The following CDH2 variants were observed in gnomAD, a reference collection of about 807,000 sequenced individuals.
CDH2 encodes cadherin-2.
A neutral mutation model predicts 92.0 loss-of-function variants in CDH2; 17 were observed. The observed-to-expected ratio is 0.18, with a 90% confidence interval of 0.13 to 0.28. The LOEUF is 0.28. CDH2 is among the 10% of genes least tolerant of loss of function. The pLI is 1.00. For missense variants in CDH2, 862 were observed against 1,133.1 expected (o/e 0.76, Z 3.44); for synonymous variants, 419 against 415.9 (o/e 1.01, Z -0.09).
chr18:28,145,838 A>C (rs2016026734), intron 2 of CDH2, among the ~76,000 whole-genome samples: 1 of 152,160 alleles, frequency 6.6e-6, no homozygotes, highest in African/African-American at 2.4e-5. Context: ...TTTAAAAAAA[A>C]AAGGCTAAAA....
intron 2 of CDH2, among the ~76,000 whole-genome samples, chr18:28,125,256 A>C (rs889280971): frequency 2.0e-5 from 3 of 152,186 alleles, no homozygotes; most frequent in African/African-American, 7.2e-5. Context: ...CTGCCTGTAC[A>C]TTATTACACA....
intron 7 of CDH2, among the ~76,000 whole-genome samples, chr18:27,998,980 G>T (rs529291326): frequency 4.1e-4 from 63 of 152,280 alleles, no homozygotes; most frequent in African/African-American, 1.5e-3. Flanking sequence ...AGGAATATCT[G>T]CCCCACTGGA....
intron 2 of CDH2, among the ~76,000 whole-genome samples, chr18:28,055,880 A>G (rs2014283057): frequency 6.6e-6 from 1 of 152,216 alleles, no homozygotes; most frequent in Non-Finnish European, 1.5e-5. Flanking sequence ...GTGTATACAG[A>G]AAGTGTTACT....
chr18:28,156,465 GC>G (rs2016214610), intron 1 of CDH2, among the ~76,000 whole-genome samples: 2 of 145,728 alleles, frequency 1.4e-5, no homozygotes, highest in Admixed American at 6.8e-5. Context: ...CCCAGGTACA[GC>G]ATGTCACCTT....
chr18:27,984,720 C>A lies in CDH2; in HGVS notation c.2209+280G>T, dbSNP rs1374701966. On this transcript the variant is annotated intron_variant, in intron 13 of 15. Transcript: ENST00000269141. ...TTGTTTAATGTTTTTCTATGAAAAG[C>A]GTTTACTACAGCTCCCTAAGCAATA... 5.3e-5 allele frequency among the ~76,000 whole-genome samples: 8 copies of A among 152,218 alleles called. No individual in the cohort carries two copies. In the East Asian group the frequency reaches 1.4e-3, roughly 26 times the overall value.
chr18:28,007,153 C>T (rs1599028504), intron 5 of CDH2, among the ~76,000 whole-genome samples: 1 of 68,030 alleles, frequency 1.5e-5, no homozygotes, highest in Admixed American at 2.0e-4. Context: ...GAGTGAGACT[C>T]CATAAAAAAA....
chr18:27,950,362 A>G (rs1909386611), downstream of CDH2, among the ~76,000 whole-genome samples: 1 of 152,172 alleles, frequency 6.6e-6, no homozygotes, highest in South Asian at 2.1e-4. Flanking sequence ...AATGAATCAT[A>G]GTAAGATACA....
At chr18:28,000,423 T>C (rs1005952541) in intron 7 of CDH2, among the ~76,000 whole-genome samples, 1 of 152,184 alleles carries the variant, frequency 6.6e-6, no homozygotes, top group Non-Finnish European at 1.5e-5. Context: ...TGTGTCATGT[T>C]ACATAATTCT....
intron 2 of CDH2, among the ~76,000 whole-genome samples, chr18:28,050,014 G>C (rs2014159401): frequency 1.3e-5 from 2 of 152,078 alleles, no homozygotes. Flanking sequence ...AACATGTTCT[G>C]CCTACCCACC....
chr18:27,943,690 A>G lies in CDH2; in HGVS notation c.1152-10566T>C, dbSNP rs2143837532. Among the ~76,000 whole-genome samples the G allele has an allele frequency of 2.0e-5, 3 of 152,334 alleles. No homozygotes were observed. The South Asian group carries it at 6.2e-4, about 32-fold the overall frequency. On this transcript the variant is annotated intron_variant, in intron 6 of 6. Coordinates refer to the CDH2 transcript ENST00000675173. ...CACCTGGAAAGAACTCAGTATTAAT[A>G]AAATCCATCCATGTTGTTGGATGGG...
At chr18:28,158,700 C>A (rs1177639526) in intron 1 of CDH2, among the ~76,000 whole-genome samples, 1 of 152,196 alleles carries the variant, frequency 6.6e-6, no homozygotes. Flanking sequence ...AATATTACAA[C>A]ATATTTGCCC....
Position 27,963,342 on chromosome 18 carries a change from A to T in CDH2, c.2514+15T>A, listed in dbSNP as rs750673279. On this transcript the variant is annotated intron_variant, in intron 15 of 15. Coordinates refer to ENST00000269141, the MANE Select transcript of CDH2 (RefSeq NM_001792.5). ...AATGAAAACTCTTATAGAGAAAACG[A>T]GTGTCTCTCTGTACCTCATTAATGA... 1 of 1,612,384 alleles carries T rather than the reference A, an allele frequency of 6.2e-7. No homozygotes were observed. The highest frequency in any genetic ancestry group is 1.1e-5 in the South Asian group (1 of 90,994).
chr18:27,963,846 A>G (rs139444351), intron 14 of CDH2, among the ~76,000 whole-genome samples: 283 of 152,316 alleles, frequency 1.9e-3, no homozygotes, highest in Non-Finnish European at 3.2e-3. Flanking sequence ...CCATACAAGC[A>G]AAGGTGCTAA....
intron 1 of CDH2, among the ~76,000 whole-genome samples, chr18:28,156,270 T>C (rs1044336871): frequency 3.3e-5 from 5 of 152,178 alleles, no homozygotes; most frequent in Non-Finnish European, 7.4e-5. Context: ...AAAAACAGCA[T>C]TGATGCTGGC....
chr18:28,084,092 A>C (rs568808677), intron 2 of CDH2, among the ~76,000 whole-genome samples: 1 of 152,308 alleles, frequency 6.6e-6, no homozygotes, highest in African/African-American at 2.4e-5. Context: ...ACAAACAACA[A>C]CAATACAACA....
downstream of CDH2, among the ~76,000 whole-genome samples, chr18:27,950,229 T>C (rs190328839): frequency 3.2e-4 from 48 of 152,118 alleles, no homozygotes; most frequent in Admixed American, 9.8e-4. Context: ...GCAAAAAATA[T>C]AGTTAGAGGA....
rs36118616 is a variant in CDH2, at chr18:28,156,485, C to T, written c.61-8701G>A. Among the ~76,000 whole-genome samples the T allele has an allele frequency of 1.3e-3, 170 of 135,544 alleles. 2 individuals carry two copies. The highest frequency in any genetic ancestry group is 4.7e-3 in the African/African-American group (144 of 30,758). The allele number at this position is 135,544 out of a possible 152,430, so 88.9% of individuals were successfully genotyped here. A position where few individuals can be genotyped will look rare whatever the true frequency, so the allele number is the denominator to read the frequency against. On this transcript the variant is annotated intron_variant, in intron 1 of 15. Transcript: ENST00000269141. Reference sequence around the variant, plus strand: ...GTACAGCATGTCACCTTCCCAGGTACAGAATGTCACCTTCCCAGGTATAGA... The same window carrying T: ...GTACAGCATGTCACCTTCCCAGGTATAGAATGTCACCTTCCCAGGTATAGA...
chr18:28,063,098 G>A (rs1163484622), intron 2 of CDH2, among the ~76,000 whole-genome samples: 2 of 152,148 alleles, frequency 1.3e-5, no homozygotes, highest in African/African-American at 4.8e-5. Context: ...AGCACTGTAT[G>A]TCCTCATAAG....
intron 2 of CDH2, among the ~76,000 whole-genome samples, chr18:28,014,806 A>C (rs1413646383): frequency 6.6e-6 from 1 of 152,124 alleles, no homozygotes; most frequent in Non-Finnish European, 1.5e-5. Context: ...AAATTAAACC[A>C]TGAACTTGTG....
Sources: gnomAD v4.1 joint callset for allele counts (sites outside exome capture counted in the v4.1 genomes callset) on GRCh38, gnomAD v4.1.1 for gene constraint, MANE v1.5 for transcripts, NCBI Gene and HGNC (gene_info 2026-07-23, HGNC 2026-07-21) for gene names.